The following SYNE1 variants were observed in gnomAD, a reference collection of about 807,000 sequenced individuals.
SYNE1 encodes the protein spectrin repeat containing nuclear envelope protein 1.
A neutral mutation model predicts 1,111.0 loss-of-function variants in SYNE1; 616 were observed. The ratio of observed to expected loss-of-function variants is 0.55; its 90% CI spans 0.52 to 0.59. The LOEUF is 0.59. Among genes scored for constraint, SYNE1 ranks in the 20% least tolerant of loss-of-function variants. The probability of loss-of-function intolerance (pLI) is 0.00; values close to 1 mark genes in which losing one functional copy is unlikely to be tolerated. For missense variants in SYNE1, 10,006 were observed against 10,417.0 expected, an observed-to-expected ratio of 0.96 and a Z score of 1.72; for synonymous variants, 3,855 against 3,825.8, an observed-to-expected ratio of 1.01 and a Z score of -0.28.
At chr6:152,551,226 C>CACAAATAACCTGCCACGTACACAGAGAAG (rs2128135400) in intron 3 of SYNE1, among the ~76,000 whole-genome samples, 1 of 152,230 alleles carries the variant, frequency 6.6e-6, no homozygotes, top group South Asian at 2.1e-4. Context: ...TTTGGATTCT[C>CACAAATAACCTGCCACGTACACAGAGAAG]ACAAATAACC....
chr6:152,155,746 T>C (rs1191380519), intron 132 of SYNE1, among the ~76,000 whole-genome samples, 164 bp downstream of exon 132: 2 of 152,230 alleles, frequency 1.3e-5, no homozygotes, highest in Non-Finnish European at 2.9e-5. Context: ...CCTTTATACC[T>C]ACTTATTTTC....
chr6:152,350,225 A>G lies in SYNE1; in HGVS notation c.11844T>C (p.Pro3948=), dbSNP rs959346970. 10 of 1,614,108 alleles carry G rather than the reference A, an allele frequency of 6.2e-6. No individual in the cohort carries two copies. The highest frequency in any genetic ancestry group is 8.5e-6 in the Non-Finnish European group (10 of 1,180,026). ...LLQMSGRLVA[P]DLLETSSLET... ...CCAGGCTGCTTGTCTCCAGGAGGTC[A>G]GGTGCCACCAGTCTGCCAGACATCT... The change falls in exon 72 of 146, where the codon CCT becomes CCC. Residue 3948 remains proline, a synonymous_variant. Coordinates refer to ENST00000367255, the MANE Select transcript of SYNE1 (RefSeq NM_182961.4).
Position 152,381,287 on chromosome 6 carries a change from TCTG to T in SYNE1, c.8725_8727del (p.Gln2909del). The T allele has an allele frequency of 6.2e-7, 1 of 1,614,190 alleles. No individual in the cohort carries two copies. Among genetic ancestry groups the T allele is most frequent in the Middle Eastern group, 1.6e-4 (1 of 6,062 alleles). ...AGCTCACACCCACTGGCAGTTGTGT[TCTG>T]TTTCACTTCGGGAGCCAGCGACTCC... On this transcript the variant is annotated inframe_deletion, in exon 56 of 146. Transcript: ENST00000367255.
At chr6:152,266,590 T>C (rs1254380238) in intron 100 of SYNE1, among the ~76,000 whole-genome samples, 1 of 152,184 alleles carries the variant, frequency 6.6e-6, no homozygotes, top group South Asian at 2.1e-4. Flanking sequence ...TTTTACAGTT[T>C]TAGGGTTATT....
rs1365567746 is a variant in SYNE1, at chr6:152,180,189, C to T, written c.23407G>A (p.Val7803Ile). ...ATGAGAATGTCTCCATTCTGAGAAA[C>T]TTTGCTTTCCATTTGAGTCAACCAC... ...CEWLTQMESK[V>I]SQNGDILIEE... Residue 7803 changes from valine (V) to isoleucine (I), a missense_variant, in exon 129 of 146, where the codon GTT becomes ATT. Physicochemically the swap from Val to Ile is conservative, Grantham distance 29 (BLOSUM62 3). This residue lies in a region of SYNE1 where 2,182 missense variants were observed against 2,287.8 expected (regional missense o/e 0.95). Coordinates refer to ENST00000367255, the MANE Select transcript of SYNE1 (RefSeq NM_182961.4). The T allele has an allele frequency of 1.9e-6, 3 of 1,614,098 alleles. No homozygotes were observed. Among genetic ancestry groups the T allele is most frequent in the Admixed American group, 1.7e-5 (1 of 60,024 alleles).
intron 104 of SYNE1, among the ~76,000 whole-genome samples, chr6:152,251,714 C>G (rs1220745556): frequency 6.6e-6 from 1 of 151,866 alleles, no homozygotes. Flanking sequence ...AGCCGAGATC[C>G]CGCCACTGCA....
chr6:152,514,863 A>G (rs576699620), intron 6 of SYNE1, among the ~76,000 whole-genome samples: 1 of 152,214 alleles, frequency 6.6e-6, no homozygotes, highest in South Asian at 2.1e-4. Context: ...AGTTTAAGCC[A>G]CCCAGTCTGT....
chr6:152,327,598 T>C (rs1271734144), intron 78 of SYNE1, among the ~76,000 whole-genome samples: 2 of 151,996 alleles, frequency 1.3e-5, no homozygotes, highest in Non-Finnish European at 2.9e-5. Flanking sequence ...GAGCACCAAT[T>C]AGGGAAAGAA....
At chr6:152,542,880 A>T (rs1377194806) in intron 3 of SYNE1, among the ~76,000 whole-genome samples, 1 of 152,154 alleles carries the variant, frequency 6.6e-6, no homozygotes. Context: ...CCAATTCAAA[A>T]TCTAAAATAG....
In SYNE1 at chr6:152,343,989, A is replaced by G. The variant is rs1004730805; in HGVS notation, c.12225+92T>C. 5 of 1,558,770 alleles carry G rather than the reference A, an allele frequency of 3.2e-6. No individual in the cohort carries two copies. In the South Asian group the frequency reaches 4.5e-5, roughly 14 times the overall value. On this transcript the variant is annotated intron_variant, in intron 74 of 145. Transcript: ENST00000367255. ...CCTACTTTTAGATTCCCAGGAGTCA[A>G]TACAGTTTGGCACATCATAGGTACT...
At chr6:152,242,509 T>G in intron 106 of SYNE1, 69 bp from the exon 107 acceptor site, 2 of 1,572,508 alleles carry the variant, frequency 1.3e-6, no homozygotes, top group East Asian at 2.2e-5. Flanking sequence ...GCATATGAAC[T>G]ATGAACGCAC....
intron 77 of SYNE1, 56 bp downstream of exon 77, chr6:152,333,952 A>G (rs1234623936): frequency 1.2e-6 from 2 of 1,611,786 alleles, no homozygotes; most frequent in East Asian, 2.2e-5. Context: ...ATTTTTATAG[A>G]TATTAAGAAA....
Position 152,308,608 on chromosome 6 carries a change from A to T in SYNE1, c.17227T>A (p.Tyr5743Asn), listed in dbSNP as rs371202449. 1 of 1,608,756 alleles carries T rather than the reference A, an allele frequency of 6.2e-7. No individual in the cohort carries two copies. The highest frequency in any genetic ancestry group is 8.5e-7 in the Non-Finnish European group (1 of 1,177,850). The change falls in exon 91 of 146, where the codon TAT becomes AAT. Residue 5743 changes from tyrosine to asparagine, a missense_variant. Around this residue, in one of 7 missense-constraint regions of SYNE1, gnomAD observed 4,955 missense variants for 5,017.2 expected, o/e 0.99. Transcript: ENST00000367255. ...MQEAVVQYEQ[Y>N]EQEMKHLQQL... ...TGGAGATGTTTCATTTCTTGCTCATATTGTTCATATTGTACCACAGCTTCC... is the reference window on the plus strand; with the variant it reads ...TGGAGATGTTTCATTTCTTGCTCATTTTGTTCATATTGTACCACAGCTTCC...
At chr6:152,588,931 A>C (rs1383317942) in intron 3 of SYNE1, among the ~76,000 whole-genome samples, 1 of 151,996 alleles carries the variant, frequency 6.6e-6, no homozygotes, top group African/African-American at 2.4e-5. Context: ...GAAAGCCAAG[A>C]GTTTTAAATG....
intron 3 of SYNE1, among the ~76,000 whole-genome samples, chr6:152,624,092 C>T (rs887793345): frequency 2.6e-5 from 4 of 152,036 alleles, no homozygotes; most frequent in Non-Finnish European, 5.9e-5. Context: ...AGGGTAAATG[C>T]TTATCCTTTT....
intron 58 of SYNE1, among the ~76,000 whole-genome samples, chr6:152,374,545 G>A (rs978024018): frequency 7.9e-5 from 12 of 152,078 alleles, no homozygotes; most frequent in Non-Finnish European, 1.3e-4. Context: ...AGGCCGAGGC[G>A]GGCACATCAG....
At chr6:152,138,517 A>C (rs2057639509) in intron 140 of SYNE1, among the ~76,000 whole-genome samples, 1 of 46,148 alleles carries the variant, frequency 2.2e-5, no homozygotes, top group African/African-American at 1.0e-4. Context: ...TCTCAAAAAT[A>C]AATAAATAAA....
At chr6:152,221,184 T>A in intron 118 of SYNE1, 138 bp from the exon 119 acceptor site, 1 of 1,138,442 alleles carries the variant, frequency 8.8e-7, no homozygotes, top group Admixed American at 2.1e-5. Context: ...AAAATTAATG[T>A]TTCATATTCC....
intron 14 of SYNE1, chr6:152,480,723 G>T (rs1360656223): frequency 2.2e-6 from 1 of 456,034 alleles, no homozygotes; most frequent in Non-Finnish European, 4.4e-6. Flanking sequence ...CTTGAACCTG[G>T]CCTGAGCCCC....
Sources: allele counts gnomAD v4.1 joint callset (sites outside exome capture counted in the v4.1 genomes callset), GRCh38; gene constraint gnomAD v4.1.1; regional missense constraint gnomAD v4.1.1; transcripts MANE v1.5; gene names NCBI Gene and HGNC (gene_info 2026-07-23, HGNC 2026-07-21).